Variants in NKAIN2 observed in about 807,000 individuals in gnomAD.
NKAIN2 encodes the protein sodium/potassium-transporting ATPase subunit beta-1-interacting protein 2.
In NKAIN2, 14 loss-of-function variants were observed where a neutral mutation model predicts 32.6. The ratio of observed to expected loss-of-function variants is 0.43; its 90% CI spans 0.28 to 0.67. The LOEUF is 0.67. Among genes scored for constraint, NKAIN2 ranks in the 30% least tolerant of loss-of-function variants. The probability of loss-of-function intolerance (pLI) is 0.17; values close to 1 mark genes in which losing one functional copy is unlikely to be tolerated. For synonymous variants in NKAIN2, 80 were observed against 87.2 expected (o/e 0.92, Z 0.46); for missense variants, 198 against 258.3 (o/e 0.77, Z 1.60).
At chr6:124,142,644 T>C (rs1787202128) in intron 1 of NKAIN2, among the ~76,000 whole-genome samples, 1 of 152,200 alleles carries the variant, frequency 6.6e-6, no homozygotes, top group Non-Finnish European at 1.5e-5. Flanking sequence ...CTTTGTGTTT[T>C]ATTTGATAAA....
chr6:124,456,493 A>G (rs1776327401), intron 3 of NKAIN2, among the ~76,000 whole-genome samples: 1 of 151,948 alleles, frequency 6.6e-6, no homozygotes, highest in Non-Finnish European at 1.5e-5. Context: ...TTCATTTGCC[A>G]GTGCTGGAGT....
chr6:124,667,728 AT>A (rs1772875359), intron 4 of NKAIN2, among the ~76,000 whole-genome samples: 1 of 152,156 alleles, frequency 6.6e-6, no homozygotes, highest in Non-Finnish European at 1.5e-5. Context: ...AGAGCAAGGA[AT>A]TCTCAAAGGA....
At chr6:124,647,894 T>G (rs1343870459) in intron 3 of NKAIN2, among the ~76,000 whole-genome samples, 1 of 152,166 alleles carries the variant, frequency 6.6e-6, no homozygotes, top group Non-Finnish European at 1.5e-5. Flanking sequence ...GTGACTAACA[T>G]GCTCTGTAAA....
At chr6:124,610,415 G>A (rs920141730) in intron 3 of NKAIN2, among the ~76,000 whole-genome samples, 5 of 152,028 alleles carry the variant, frequency 3.3e-5, no homozygotes, top group Non-Finnish European at 5.9e-5. Context: ...AATATGCATT[G>A]GAAAAAGTAC....
Position 123,918,816 on chromosome 6 carries a change from A to G in NKAIN2, c.54+114562A>G, listed in dbSNP as rs577010904. Among the ~76,000 whole-genome samples the G allele has an allele frequency of 7.9e-5, 12 of 152,312 alleles. 1 individual carries two copies. In the South Asian group the frequency reaches 1.0e-3, roughly 13 times the overall value. Reference sequence around the variant, plus strand: ...TATATCTCATTAGACATAATGAGATATAAAAGTATGTATCAAGAATGCTTC... The same window carrying G: ...TATATCTCATTAGACATAATGAGATGTAAAAGTATGTATCAAGAATGCTTC... On this transcript the variant is annotated intron_variant, in intron 1 of 6. Coordinates refer to ENST00000368417, the MANE Select transcript of NKAIN2 (RefSeq NM_001040214.3).
chr6:124,655,745 TAGTTG>T (rs1170259579), intron 3 of NKAIN2, among the ~76,000 whole-genome samples: 7 of 152,224 alleles, frequency 4.6e-5, no homozygotes, highest in African/African-American at 1.7e-4. Flanking sequence ...AACTCATACA[TAGTTG>T]AGTTGATTAT....
chr6:124,803,887 G>T lies in NKAIN2; in HGVS notation c.535+12488G>T, dbSNP rs114860057. ...GTATAAATCCTTTTTGAAAAGAGAG[G>T]AGATCCCAATCCTACTCATAGTGTA... On this transcript the variant is annotated intron_variant, in intron 5 of 6. Coordinates refer to ENST00000368417, the MANE Select transcript of NKAIN2 (RefSeq NM_001040214.3). 5.3e-3 allele frequency among the ~76,000 whole-genome samples: 805 copies of T among 152,220 alleles called. 6 individuals are homozygous for T. The highest frequency in any genetic ancestry group is 0.019 in the African/African-American group (782 of 41,542).
intron 1 of NKAIN2, among the ~76,000 whole-genome samples, chr6:123,833,569 C>T (rs1774474234): frequency 6.6e-6 from 1 of 152,052 alleles, no homozygotes; most frequent in African/African-American, 2.4e-5. Context: ...AAGTATTTTT[C>T]AATGTATGTA....
intron 3 of NKAIN2, among the ~76,000 whole-genome samples, chr6:124,426,859 G>C (rs1015802694): frequency 6.6e-6 from 1 of 152,016 alleles, no homozygotes; most frequent in Non-Finnish European, 1.5e-5. Context: ...TTTATAAAGG[G>C]GAGTTTCCCT....
chr6:124,612,421 C>T (rs1220738133), intron 3 of NKAIN2, among the ~76,000 whole-genome samples: 3 of 152,022 alleles, frequency 2.0e-5, no homozygotes, highest in Non-Finnish European at 4.4e-5. Context: ...TTTTTATATG[C>T]ATTGCACTAT....
intron 5 of NKAIN2, among the ~76,000 whole-genome samples, chr6:124,813,259 G>A (rs1359200733): frequency 6.6e-6 from 1 of 152,082 alleles, no homozygotes; most frequent in African/African-American, 2.4e-5. Flanking sequence ...TTTCTGATAA[G>A]TTATTGTTTA....
chr6:123,880,158 G>A (rs944833619), intron 1 of NKAIN2, among the ~76,000 whole-genome samples: 2 of 152,180 alleles, frequency 1.3e-5, no homozygotes, highest in African/African-American at 4.8e-5. Flanking sequence ...TAAGGGACTA[G>A]AGCATGGATC....
intron 4 of NKAIN2, among the ~76,000 whole-genome samples, chr6:124,746,130 G>A (rs1053196950): frequency 6.6e-6 from 1 of 151,830 alleles, no homozygotes; most frequent in Non-Finnish European, 1.5e-5. Context: ...TTTGATGACA[G>A]GTCTGTCTCA....
chr6:124,819,561 A>G (rs1000637098), intron 6 of NKAIN2, among the ~76,000 whole-genome samples: 5 of 152,168 alleles, frequency 3.3e-5, no homozygotes, highest in Non-Finnish European at 7.4e-5. Flanking sequence ...CAACGACTGC[A>G]CTAATTCATG....
intron 3 of NKAIN2, among the ~76,000 whole-genome samples, chr6:124,467,319 T>C (rs1776799551): frequency 6.6e-6 from 1 of 152,142 alleles, no homozygotes; most frequent in Admixed American, 6.6e-5. Context: ...AAAATTAGTT[T>C]GATGCATGTA....
intron 1 of NKAIN2, among the ~76,000 whole-genome samples, chr6:124,065,191 T>C (rs1783108088): frequency 6.6e-6 from 1 of 151,796 alleles, no homozygotes; most frequent in African/African-American, 2.4e-5. Flanking sequence ...CTGCTTTCTC[T>C]TTTCTTCATC....
intron 1 of NKAIN2, among the ~76,000 whole-genome samples, chr6:124,282,744 G>A (rs1294781391): frequency 6.6e-6 from 1 of 152,170 alleles, no homozygotes; most frequent in Non-Finnish European, 1.5e-5. Context: ...TGACTGCAAA[G>A]ATGACATCTT....
chr6:124,092,938 T>G (rs890173633), intron 1 of NKAIN2, among the ~76,000 whole-genome samples: 2 of 152,066 alleles, frequency 1.3e-5, no homozygotes, highest in African/African-American at 4.8e-5. Flanking sequence ...CTGATTTTTC[T>G]CTCTATTTAA....
At chr6:124,091,575 G>A (rs1240729656) in intron 1 of NKAIN2, among the ~76,000 whole-genome samples, 1 of 151,998 alleles carries the variant, frequency 6.6e-6, no homozygotes, top group Admixed American at 6.6e-5. Flanking sequence ...GGCTGAATGT[G>A]TGGAATAAAA....
Sources: gnomAD v4.1 joint callset for allele counts (sites outside exome capture counted in the v4.1 genomes callset) on GRCh38, gnomAD v4.1.1 for gene constraint, MANE v1.5 for transcripts, NCBI Gene and HGNC (gene_info 2026-07-23, HGNC 2026-07-21) for gene names.